CTNNA3: variants seen among roughly 807,000 people sequenced by gnomAD.
The protein encoded by CTNNA3 is catenin alpha 3.
CTNNA3 carries 76 observed loss-of-function variants against 95.7 expected under a neutral mutation model. The ratio of observed to expected loss-of-function variants is 0.79; its 90% CI spans 0.66 to 0.96. The LOEUF is 0.96. Among genes scored for constraint, CTNNA3 ranks in the 40% least tolerant of loss-of-function variants. The pLI, the probability that CTNNA3 is intolerant of heterozygous loss-of-function variation, is 0.00. For missense variants in CTNNA3, 1,191 were observed against 1,089.8 expected, an observed-to-expected ratio of 1.09 and a Z score of -1.31; for synonymous variants, 431 against 374.4, an observed-to-expected ratio of 1.15 and a Z score of -1.74.
intron 3 of CTNNA3, among the ~76,000 whole-genome samples, chr10:67,605,696 G>T (rs774202645): frequency 2.7e-4 from 39 of 147,044 alleles, no homozygotes; most frequent in Non-Finnish European, 4.2e-4. Context: ...TTTTTTTTTT[G>T]AGACGAAGTC....
chr10:66,399,318 C>A (rs2093002439), intron 11 of CTNNA3, among the ~76,000 whole-genome samples: 1 of 151,598 alleles, frequency 6.6e-6, no homozygotes, highest in Non-Finnish European at 1.5e-5. Flanking sequence ...GTGTCTTCTG[C>A]ACTAGTGAAT....
chr10:66,483,043 A>C (rs890222682), intron 11 of CTNNA3, among the ~76,000 whole-genome samples: 2 of 152,178 alleles, frequency 1.3e-5, no homozygotes, highest in African/African-American at 2.4e-5. Context: ...TTCCTAAGCC[A>C]ATGAGACAGC....
At chr10:66,642,025 CA>C (rs1845533026) in intron 9 of CTNNA3, among the ~76,000 whole-genome samples, 1 of 151,580 alleles carries the variant, frequency 6.6e-6, no homozygotes, top group South Asian at 2.1e-4. Context: ...GCAAAAGAAC[CA>C]TTATAGATAA....
At chr10:66,426,666 C>G (rs562341129) in intron 11 of CTNNA3, among the ~76,000 whole-genome samples, 1 of 151,730 alleles carries the variant, frequency 6.6e-6, no homozygotes, top group East Asian at 1.9e-4. Flanking sequence ...TAAATTGCCT[C>G]TTACCATTAA....
chr10:66,282,438 T>A (rs564321402), intron 12 of CTNNA3, among the ~76,000 whole-genome samples: 2 of 151,976 alleles, frequency 1.3e-5, no homozygotes. Flanking sequence ...CTAATTTTCC[T>A]TTACCATATT....
At chr10:67,409,456 G>T (rs1196583977) in intron 5 of CTNNA3, among the ~76,000 whole-genome samples, 1 of 152,106 alleles carries the variant, frequency 6.6e-6, no homozygotes, top group Non-Finnish European at 1.5e-5. Context: ...GGAGTTGGAA[G>T]CTGTTATCCT....
intron 13 of CTNNA3, among the ~76,000 whole-genome samples, chr10:66,163,236 C>T (rs1468284330): frequency 1.3e-5 from 2 of 152,076 alleles, no homozygotes; most frequent in African/African-American, 4.8e-5. Flanking sequence ...GGCTTCTCAC[C>T]CTGTTCAAAT....
chr10:66,724,906 T>C (rs1848734464), intron 9 of CTNNA3, among the ~76,000 whole-genome samples: 1 of 152,152 alleles, frequency 6.6e-6, no homozygotes, highest in African/African-American at 2.4e-5. Flanking sequence ...TGAAGAAATA[T>C]ACAGTCATTA....
chr10:66,558,130 T>C (rs1407721380), intron 10 of CTNNA3, among the ~76,000 whole-genome samples: 1 of 152,086 alleles, frequency 6.6e-6, no homozygotes, highest in South Asian at 2.1e-4. Flanking sequence ...GGGATATGGA[T>C]AAGCACATGC....
At chr10:67,579,496 T>G (rs920715888) in intron 3 of CTNNA3, among the ~76,000 whole-genome samples, 1 of 152,150 alleles carries the variant, frequency 6.6e-6, no homozygotes, top group African/African-American at 2.4e-5. Flanking sequence ...CTATTGTGAA[T>G]AGTGCCACAA....
At chr10:66,239,119 G>A (rs1023693737) in intron 13 of CTNNA3, among the ~76,000 whole-genome samples, 1 of 151,690 alleles carries the variant, frequency 6.6e-6, no homozygotes, top group South Asian at 2.1e-4. Context: ...ATATTTATAA[G>A]AGTATTGGAA....
At chr10:66,598,597 T>G (rs1400471808) in intron 10 of CTNNA3, among the ~76,000 whole-genome samples, 10 of 151,920 alleles carry the variant, frequency 6.6e-5, no homozygotes, top group Non-Finnish European at 1.5e-5. Context: ...ATCAGTTGAG[T>G]ATCTATACAC....
intron 3 of CTNNA3, among the ~76,000 whole-genome samples, chr10:67,574,916 T>C (rs1021213070): frequency 6.6e-6 from 1 of 152,176 alleles, no homozygotes; most frequent in Admixed American, 6.5e-5. Flanking sequence ...TATGCAACCA[T>C]AATGAAGTCA....
At chr10:67,232,410 T>G (rs1589059814) in intron 5 of CTNNA3, among the ~76,000 whole-genome samples, 1 of 151,858 alleles carries the variant, frequency 6.6e-6, no homozygotes. Context: ...CCAGCCAAAC[T>G]AAGCTTCATA....
intron 5 of CTNNA3, among the ~76,000 whole-genome samples, chr10:67,484,949 C>G (rs1446579956): frequency 6.6e-6 from 1 of 152,142 alleles, no homozygotes; most frequent in Non-Finnish European, 1.5e-5. Context: ...TCATCTGGCC[C>G]AGCAATCCCA....
intron 9 of CTNNA3, among the ~76,000 whole-genome samples, chr10:66,760,125 T>C (rs781333712): frequency 6.6e-6 from 1 of 152,178 alleles, no homozygotes; most frequent in East Asian, 1.9e-4. Flanking sequence ...TCTATGTTTG[T>C]GAGATTAGAA....
chr10:65,981,720 A>G (rs1467707771), intron 16 of CTNNA3, among the ~76,000 whole-genome samples: 2 of 151,854 alleles, frequency 1.3e-5, no homozygotes, highest in African/African-American at 4.8e-5. Flanking sequence ...TGATCTTTGC[A>G]AAGTAAACAA....
Position 66,232,856 on chromosome 10 carries a change from T to G in CTNNA3, c.1884+47614A>C, listed in dbSNP as rs376002857. Among the ~76,000 whole-genome samples, 5 of 152,092 alleles carry G rather than the reference T, an allele frequency of 3.3e-5. 1 individual carries two copies. In the East Asian group the frequency reaches 9.7e-4, roughly 29 times the overall value. On this transcript the variant is annotated intron_variant, in intron 13 of 17. Transcript: ENST00000433211. Reference sequence around the variant, plus strand: ...ATCTTAACTTTTACCTTCTGCAACATCTGTCAACAATCAATTTCAGGCCAG... The same window carrying G: ...ATCTTAACTTTTACCTTCTGCAACAGCTGTCAACAATCAATTTCAGGCCAG...
upstream of CTNNA3, among the ~76,000 whole-genome samples, chr10:67,696,806 C>T (rs1840973172): frequency 6.6e-6 from 1 of 151,898 alleles, no homozygotes; most frequent in Non-Finnish European, 1.5e-5. Context: ...ATATCTTCTC[C>T]CTCAATATCT....
Sources: allele counts gnomAD v4.1 joint callset (sites outside exome capture counted in the v4.1 genomes callset), GRCh38; gene constraint gnomAD v4.1.1; transcripts MANE v1.5; gene names NCBI Gene and HGNC (gene_info 2026-07-23, HGNC 2026-07-21).